Variants in PHEX observed in about 807,000 individuals in gnomAD.
PHEX encodes the protein phosphate-regulating neutral endopeptidase PHEX.
Under a neutral mutation model 68.0 loss-of-function variants are expected in PHEX, and 16 were observed. That is an observed-to-expected ratio of 0.24 (90% CI 0.16 to 0.36). The LOEUF is 0.36. PHEX is among the 10% of genes least tolerant of loss of function. PHEX has a pLI of 1.00. For synonymous variants in PHEX, 208 were observed against 205.1 expected (o/e 1.01, Z -0.12); for missense variants, 480 against 575.5 (o/e 0.83, Z 1.70).
intron 13 of PHEX, among the ~76,000 whole-genome samples, chrX:22,178,069 T>C (rs1406754951): frequency 8.9e-6 from 1 of 112,401 alleles, no homozygotes; most frequent in Non-Finnish European, 1.9e-5. Flanking sequence ...AATGACTATA[T>C]TGATTTTTGA....
intron 15 of PHEX, among the ~76,000 whole-genome samples, chrX:22,201,705 G>T (rs1379881083): frequency 8.9e-6 from 1 of 111,794 alleles, no homozygotes; most frequent in African/African-American, 3.3e-5. Context: ...CTGTAAGGAT[G>T]CAATTTGCCG....
At chrX:22,148,754 GCTTA>G (rs1176833645) in intron 12 of PHEX, among the ~76,000 whole-genome samples, 1 of 111,198 alleles carries the variant, frequency 9.0e-6, no homozygotes, top group African/African-American at 3.3e-5. Flanking sequence ...TCTGTGTTTT[GCTTA>G]CTTAGCATTT....
chrX:22,186,068 T>C (rs745450527), intron 14 of PHEX, among the ~76,000 whole-genome samples: 10 of 111,682 alleles, frequency 9.0e-5, no homozygotes, highest in Non-Finnish European at 1.5e-4. Context: ...TTGTGGTCTT[T>C]CATGTAGTTA....
intron 15 of PHEX, among the ~76,000 whole-genome samples, chrX:22,191,707 A>G (rs960880554): frequency 6.2e-5 from 7 of 112,194 alleles, no homozygotes; most frequent in African/African-American, 2.3e-4. Context: ...AAGTTTGGGA[A>G]CAGCTGCCCT....
At chrX:22,234,277 C>T (rs186475267) in intron 20 of PHEX, among the ~76,000 whole-genome samples, 76 of 112,643 alleles carry the variant, frequency 6.7e-4, no homozygotes, top group African/African-American at 2.4e-3. Context: ...GTCAGGTACC[C>T]ACTTGAGGAG....
rs142208328 is a variant in PHEX, at chrX:22,114,323, C to G, written c.1174-135C>G. On this transcript the variant is annotated intron_variant, in intron 10 of 21. Transcript: ENST00000379374. ...TTTTCTTCAACTATTTTACCTTTGCCTCTACTATCTGATGCATATATATGG... is the reference window on the plus strand; with the variant it reads ...TTTTCTTCAACTATTTTACCTTTGCGTCTACTATCTGATGCATATATATGG... The G allele has an allele frequency of 1.5e-3, 836 of 574,566 alleles. 4 individuals carry two copies. The African/African-American group carries it at 0.017, about 12-fold the overall frequency. The allele number at this position is 574,566 out of a possible 1,213,427, so 47.4% of individuals were successfully genotyped here. A position where few individuals can be genotyped will look rare whatever the true frequency, so the allele number is the denominator to read the frequency against.
chrX:22,228,520 AAATT>A (rs1569435044), intron 20 of PHEX, among the ~76,000 whole-genome samples: 1 of 111,606 alleles, frequency 9.0e-6, no homozygotes. Flanking sequence ...AACACTAAAT[AAATT>A]ATTATTTAGC....
At chrX:22,070,876 G>C (rs1435088483) in intron 3 of PHEX, among the ~76,000 whole-genome samples, 2 of 112,170 alleles carry the variant, frequency 1.8e-5, no homozygotes, top group Non-Finnish European at 3.8e-5. Context: ...GCTCAATCAA[G>C]GTTCTTGGTA....
rs1324170415 is a variant in PHEX at position 22,071,159 on chromosome X, C to T, written c.350-5229C>T. Among the ~76,000 whole-genome samples, 5 of 111,120 alleles carry T rather than the reference C, an allele frequency of 4.5e-5. No individual in the cohort carries two copies. The South Asian group carries it at 1.5e-3, about 34-fold the overall frequency. The stretch of plus-strand genomic sequence containing the variant: ...GGATTGATAGTCCTCTCTCAGCTTC[C>T]GAGCAGAACTAAGTATTTTTTTTCT... On this transcript the variant is annotated intron_variant, in intron 3 of 21. Coordinates refer to ENST00000379374, the MANE Select transcript of PHEX (RefSeq NM_000444.6).
rs138080203 is a variant in PHEX at position 22,073,472 on chromosome X, C to T, written c.350-2916C>T. Among the ~76,000 whole-genome samples, 784 of 110,931 alleles carry T rather than the reference C, an allele frequency of 7.1e-3. 1 individual carries two copies. The highest frequency in any genetic ancestry group is 0.012 in the Non-Finnish European group (616 of 52,883). ...ACTGGAACCCATGTCTGTGTGATTC[C>T]AAAGCACCCCCTTCCCACATGTCTA... is the stretch of plus-strand genomic sequence containing the variant. On this transcript the variant is annotated intron_variant, in intron 3 of 21. Transcript: ENST00000379374.
chrX:22,149,320 G>A (rs1372482885), intron 12 of PHEX, among the ~76,000 whole-genome samples: 1 of 112,394 alleles, frequency 8.9e-6, no homozygotes, highest in East Asian at 2.8e-4. Context: ...AGGGCAGAGT[G>A]AAGCCGAGGA....
At chrX:22,167,019 C>T (rs1292120592) in intron 12 of PHEX, among the ~76,000 whole-genome samples, 1 of 111,925 alleles carries the variant, frequency 8.9e-6, no homozygotes, top group African/African-American at 3.2e-5. Context: ...CCATTGTGTA[C>T]ATATACTACA....
intron 20 of PHEX, among the ~76,000 whole-genome samples, chrX:22,233,529 A>C (rs1343915342): frequency 9.1e-6 from 1 of 110,422 alleles, no homozygotes; most frequent in Non-Finnish European, 1.9e-5. Context: ...TTCTTCTCTA[A>C]TCTTGTCTTC....
At chrX:22,200,722 AC>A (rs1415804146) in intron 15 of PHEX, among the ~76,000 whole-genome samples, 2 of 111,183 alleles carry the variant, frequency 1.8e-5, no homozygotes, top group African/African-American at 3.3e-5. Context: ...TTATTATATC[AC>A]CCCCTCACCC....
Position 22,151,614 on chromosome X carries a change from C to T in PHEX, c.1405-16698C>T, listed in dbSNP as rs181745306. On this transcript the variant is annotated intron_variant, in intron 12 of 21. Coordinates refer to ENST00000379374, the MANE Select transcript of PHEX (RefSeq NM_000444.6). Reference sequence around the variant, plus strand: ...TCTATGAGATTGACCCTTCTCTCCCCGAGGTGCCATTTTCTGGAATACCAC... The same window carrying T: ...TCTATGAGATTGACCCTTCTCTCCCTGAGGTGCCATTTTCTGGAATACCAC... 1.1e-3 allele frequency among the ~76,000 whole-genome samples: 123 copies of T among 111,281 alleles called. 1 individual carries two copies. The highest frequency in any genetic ancestry group is 3.6e-3 in the African/African-American group (109 of 30,632).
chrX:22,178,394 A>G lies in PHEX; in HGVS notation c.1586+18A>G. On this transcript the variant is annotated intron_variant, in intron 14 of 21. Transcript: ENST00000379374. Reference sequence around the variant, plus strand: ...AAAACAGAGTGAGTATTAAACAAAAAAAGTTAAATAGATAAATACATTGGT... The same window carrying G: ...AAAACAGAGTGAGTATTAAACAAAAGAAGTTAAATAGATAAATACATTGGT... 1.0e-6 allele frequency: 1 copy of G among 960,856 alleles called. No homozygotes were observed. The highest frequency in any genetic ancestry group is 1.5e-6 in the Non-Finnish European group (1 of 672,027). The allele number at this position is 960,856 out of a possible 1,213,427, so 79.2% of individuals were successfully genotyped here.
chrX:22,160,961 C>T (rs1933104624), intron 12 of PHEX, among the ~76,000 whole-genome samples: 1 of 109,446 alleles, frequency 9.1e-6, no homozygotes, highest in African/African-American at 3.3e-5. Context: ...TGATGAAACT[C>T]CGTCTCTACT....
intron 3 of PHEX, among the ~76,000 whole-genome samples, chrX:22,073,174 G>A (rs188647546): frequency 9.2e-4 from 103 of 112,079 alleles, no homozygotes; most frequent in South Asian, 3.0e-3. Context: ...ACACAGTTAT[G>A]GAGGAAGCAC....
intron 9 of PHEX, among the ~76,000 whole-genome samples, chrX:22,104,453 G>A (rs1051846373): frequency 3.6e-5 from 4 of 110,784 alleles, no homozygotes; most frequent in Non-Finnish European, 7.6e-5. Context: ...GTGGAAAGGG[G>A]GGTGGGGTAA....
Sources: gnomAD v4.1 joint callset for allele counts (sites outside exome capture counted in the v4.1 genomes callset) on GRCh38, gnomAD v4.1.1 for gene constraint, MANE v1.5 for transcripts, NCBI Gene and HGNC (gene_info 2026-07-23, HGNC 2026-07-21) for gene names.